EXOSC3: variants seen among roughly 807,000 people sequenced by gnomAD.
EXOSC3 encodes exosome complex component RRP40.
A neutral mutation model predicts 25.1 loss-of-function variants in EXOSC3; 18 were observed. That is an observed-to-expected ratio of 0.72 (90% CI 0.50 to 1.06). The LOEUF (loss-of-function observed/expected upper bound fraction) is 1.06. Ranked by LOEUF, EXOSC3 falls within the 50% of genes least tolerant of loss-of-function variation. EXOSC3 has a pLI of 0.00. For synonymous variants in EXOSC3, 165 were observed against 132.2 expected, an observed-to-expected ratio of 1.25 and a Z score of -1.70; for missense variants, 382 against 350.9, an observed-to-expected ratio of 1.09 and a Z score of -0.71.
In EXOSC3 at chr9:37,779,977, A is replaced by G. The variant is rs1828529513; in HGVS notation, c.*702T>C. ...GCCAGATTTGGATTCAGAAATCCTC[A>G]TAGTGTTATTTATATAATGATAAAA... On this transcript the variant is annotated 3_prime_UTR_variant, in exon 4 of 4. Coordinates refer to ENST00000327304, the MANE Select transcript of EXOSC3 (RefSeq NM_016042.4). 1 of 152,254 alleles carries G rather than the reference A, an allele frequency of 6.6e-6. No homozygotes were observed. Among genetic ancestry groups the G allele is most frequent in the South Asian group, 2.1e-4 (1 of 4,834 alleles). The allele number at this position is 152,254 out of a possible 1,614,324, so 9.4% of individuals were successfully genotyped here.
Position 37,780,716 on chromosome 9 carries a change from TG to T in EXOSC3, c.790del (p.Gln264LysfsTer50). Reference protein sequence around the residue: ...LEACEHMTSDQRKQIFSRLAE... With the variant: ...LEACEHMTSDXRKQIFSRLAE... ...CAATCTGGAGAAGATCTGTTTTCTT[TG>T]ATCTGACGTCATGTGTTCACAAGCT... is the stretch of plus-strand genomic sequence containing the variant. On this transcript the variant is annotated frameshift_variant, in exon 4 of 4. Coordinates refer to ENST00000327304, the MANE Select transcript of EXOSC3 (RefSeq NM_016042.4). LOFTEE classifies it high-confidence loss of function. 1 of 1,613,944 alleles carries T rather than the reference TG, an allele frequency of 6.2e-7. No homozygotes were observed. The highest frequency in any genetic ancestry group is 8.5e-7 in the Non-Finnish European group (1 of 1,179,894).
chr9:37,785,034 G>T lies in EXOSC3; in HGVS notation c.11C>A (p.Pro4His), dbSNP rs372128042. 6.3e-7 allele frequency: 1 copy of T among 1,597,928 alleles called. No individual in the cohort carries two copies. Among genetic ancestry groups the T allele is most frequent in the South Asian group, 1.1e-5 (1 of 90,554 alleles). The stretch of plus-strand genomic sequence containing the variant: ...GAGAGATTCAGCCGCGACAGACGCA[G>T]GTTCGGCCATCGCGGGCTCCACCAA... MAE[P>H]ASVAAESLAG... The change falls in exon 1 of 4, where the codon CCT (proline) becomes CAT (histidine). Residue 4 changes from proline to histidine, a missense_variant. Physicochemically the swap from Pro to His is moderately conservative, Grantham distance 77. Transcript: ENST00000327304.
intron 2 of EXOSC3, among the ~76,000 whole-genome samples, chr9:37,783,321 G>A (rs897031382): frequency 2.0e-5 from 3 of 152,150 alleles, no homozygotes; most frequent in Non-Finnish European, 4.4e-5. Flanking sequence ...GAGATAAAGG[G>A]ACGGACATGC....
At position 37,783,292 on chromosome 9, in the gene EXOSC3, G is replaced by T. The variant is rs144945605; in HGVS notation, c.474+622C>A. Reference sequence around the variant, plus strand: ...AGTGACTGAGACCAGTCAAGAGGGAGCTGAAGCCTGAACTTGTGGAGATAA... The same window carrying T: ...AGTGACTGAGACCAGTCAAGAGGGATCTGAAGCCTGAACTTGTGGAGATAA... On this transcript the variant is annotated intron_variant, in intron 2 of 3. Transcript: ENST00000327304. Among the ~76,000 whole-genome samples the T allele has an allele frequency of 6.6e-5, 10 of 152,292 alleles. No homozygotes were observed. In the East Asian group the frequency reaches 1.9e-3, roughly 29 times the overall value.
chr9:37,782,160 T>A (rs1828610859), intron 2 of EXOSC3, 23 bp from the exon 3 acceptor site: 5 of 1,612,694 alleles, frequency 3.1e-6, no homozygotes, highest in Non-Finnish European at 4.2e-6. Context: ...TAAAAACCAG[T>A]TCATTTCCTC....
chr9:37,781,081 G>A lies in EXOSC3; in HGVS notation c.627-201C>T, dbSNP rs567727126. Among the ~76,000 whole-genome samples, 5 of 152,082 alleles carry A rather than the reference G, an allele frequency of 3.3e-5. No homozygotes were observed. In the South Asian group the frequency reaches 1.0e-3, roughly 32 times the overall value. On this transcript the variant is annotated intron_variant, in intron 3 of 3. Transcript: ENST00000327304. The stretch of plus-strand genomic sequence containing the variant: ...AGGTATACTAGAAATCACAGAGGTG[G>A]GCTATGCCTTACAAAGAAATCAAAC...
intron 3 of EXOSC3, 122 bp from the exon 4 acceptor site, chr9:37,781,002 C>T (rs1265458050): frequency 1.6e-5 from 13 of 791,362 alleles, no homozygotes; most frequent in Admixed American, 5.5e-5. Context: ...GAACAAGGCA[C>T]GTGATGACAT....
At chr9:37,784,156 C>A in intron 1 of EXOSC3, 93 bp from the exon 2 acceptor site, 2 of 1,352,742 alleles carry the variant, frequency 1.5e-6, no homozygotes, top group South Asian at 2.9e-5. Flanking sequence ...ACTTTATTGT[C>A]ATTAAAGAGA....
In EXOSC3 at chr9:37,784,751, A is replaced by T. The variant is rs910605187; in HGVS notation, c.294T>A (p.Gly98=). Residue 98 remains glycine (G), a synonymous_variant, in exon 1 of 4, where the codon GGT becomes GGA. Transcript: ENST00000327304. ...HKEPGSGSGG[G]VYWVDSQQKR... is the part of the protein sequence containing the mutation. ...TCTGCTGAGAGTCCACCCAGTAAAC[A>T]CCGCCGCCGCTGCCACTGCCGGGCT... The T allele has an allele frequency of 3.9e-5, 63 of 1,599,174 alleles. No homozygotes were observed. The highest frequency in any genetic ancestry group is 6.8e-6 in the Non-Finnish European group (8 of 1,176,750).
chr9:37,784,760 G>GCTGCCA lies in EXOSC3; in HGVS notation c.279_284dup (p.Ser95_Gly96dup), dbSNP rs1435589352. The GCTGCCA allele has an allele frequency of 1.2e-6, 2 of 1,603,142 alleles. No individual in the cohort carries two copies. Among genetic ancestry groups the GCTGCCA allele is most frequent in the African/African-American group, 2.7e-5 (2 of 74,836 alleles). On this transcript the variant is annotated inframe_insertion, in exon 1 of 4. Transcript: ENST00000327304. ...AGTCCACCCAGTAAACACCGCCGCC[G>GCTGCCA]CTGCCACTGCCGGGCTCCTTGTGAC...
rs181508905 is a variant in EXOSC3, at chr9:37,783,899, G to T, written c.474+15C>A. ...GGATGTTTGTTTCTTTGAAACCAAA[G>T]GCTCCCGTAATTACCTGCACATTTG... is the stretch of plus-strand genomic sequence containing the variant. On this transcript the variant is annotated intron_variant, in intron 2 of 3. Transcript: ENST00000327304. 6.2e-7 allele frequency: 1 copy of T among 1,605,356 alleles called. No homozygotes were observed. The highest frequency in any genetic ancestry group is 2.2e-5 in the East Asian group (1 of 44,792).
intron 3 of EXOSC3, 58 bp from the exon 4 acceptor site, chr9:37,780,938 T>A: frequency 6.9e-7 from 1 of 1,445,888 alleles, no homozygotes; most frequent in Non-Finnish European, 9.5e-7. Context: ...GTGTCCGGAG[T>A]CTCCTTTAGA....
At chr9:37,785,087 T>A, upstream of EXOSC3, 1 of 1,544,900 alleles carries the variant, frequency 6.5e-7, no homozygotes. Flanking sequence ...CGCCTTCCGC[T>A]TCCGCTCCGC....
chr9:37,780,408 A>C lies in EXOSC3; in HGVS notation c.*271T>G, dbSNP rs750173700. ...ACTGCTGACCTCCAGTTAATTATGG[A>C]AGCTGTAGCAATTACTAAGGGAGTT... On this transcript the variant is annotated 3_prime_UTR_variant, in exon 4 of 4. Coordinates refer to ENST00000327304, the MANE Select transcript of EXOSC3 (RefSeq NM_016042.4). 5 of 349,732 alleles carry C rather than the reference A, an allele frequency of 1.4e-5. No individual in the cohort carries two copies. The highest frequency in any genetic ancestry group is 2.1e-5 in the African/African-American group (1 of 46,676). The allele number at this position is 349,732 out of a possible 1,614,324, so 21.7% of individuals were successfully genotyped here.
rs1329472793 is a variant in EXOSC3 at position 37,780,268 on chromosome 9, T to A, written c.*411A>T. Reference sequence around the variant, plus strand: ...AATGAAAAAGTATTTCGTTGTTATATACTCACCCGCTGAATAATGGGACTA... The same window carrying A: ...AATGAAAAAGTATTTCGTTGTTATAAACTCACCCGCTGAATAATGGGACTA... On this transcript the variant is annotated 3_prime_UTR_variant, in exon 4 of 4. Transcript: ENST00000327304. 1.1e-5 allele frequency: 2 copies of A among 180,090 alleles called. No homozygotes were observed. Among genetic ancestry groups the A allele is most frequent in the Non-Finnish European group, 2.3e-5 (2 of 85,534 alleles). The allele number at this position is 180,090 out of a possible 1,614,324, so 11.2% of individuals were successfully genotyped here.
At chr9:37,783,423 T>A (rs768440767) in intron 2 of EXOSC3, among the ~76,000 whole-genome samples, 3 of 152,174 alleles carry the variant, frequency 2.0e-5, no homozygotes, top group Non-Finnish European at 2.9e-5. Flanking sequence ...AAGAAATCAC[T>A]AAATTTCAGG....
At chr9:37,783,294 T>A (rs1828634782) in intron 2 of EXOSC3, among the ~76,000 whole-genome samples, 1 of 152,120 alleles carries the variant, frequency 6.6e-6, no homozygotes, top group Non-Finnish European at 1.5e-5. Context: ...AAGAGGGAGC[T>A]GAAGCCTGAA....
In EXOSC3 at chr9:37,782,070, A is replaced by G; in HGVS notation, c.542T>C (p.Ile181Thr). 6.2e-7 allele frequency: 1 copy of G among 1,614,212 alleles called. No individual in the cohort carries two copies. Among genetic ancestry groups the G allele is most frequent in the South Asian group, 1.1e-5 (1 of 91,088 alleles). The change falls in exon 3 of 4, where the codon ATT becomes ACT. Residue 181 changes from isoleucine to threonine, a missense_variant. Ile to Thr is a moderately conservative substitution (Grantham distance 89, BLOSUM62 -1). Coordinates refer to ENST00000327304, the MANE Select transcript of EXOSC3 (RefSeq NM_016042.4). The part of the protein sequence containing the change: ...NKDMEPEMVC[I>T]DSCGRANGMG... ...TCCATTGGCTCGTCCACAGCTGTCA[A>G]TACAGACCATCTCTGGTTCCATGTC... is the stretch of plus-strand genomic sequence containing the variant.
At chr9:37,780,941 C>G (rs1279627658) in intron 3 of EXOSC3, 61 bp from the exon 4 acceptor site, 1 of 1,416,072 alleles carries the variant, frequency 7.1e-7, no homozygotes, top group Non-Finnish European at 9.7e-7. Context: ...TCCGGAGTCT[C>G]CTTTAGAATG....
Sources: allele counts gnomAD v4.1 joint callset (sites outside exome capture counted in the v4.1 genomes callset), GRCh38; gene constraint gnomAD v4.1.1; transcripts MANE v1.5; gene names NCBI Gene and HGNC (gene_info 2026-07-23, HGNC 2026-07-21).